Variants in LMNTD1 observed in about 807,000 individuals in gnomAD.
LMNTD1 encodes lamin tail domain-containing protein 1.
A neutral mutation model predicts 50.9 loss-of-function variants in LMNTD1; 35 were observed. The observed-to-expected ratio is 0.69, with a 90% confidence interval of 0.53 to 0.91. LMNTD1 has a LOEUF of 0.91. LMNTD1 is among the 40% of genes least tolerant of loss of function. LMNTD1 has a pLI of 0.00. For synonymous variants in LMNTD1, 153 were observed against 161.9 expected, an observed-to-expected ratio of 0.94 and a Z score of 0.42; for missense variants, 470 against 475.5, an observed-to-expected ratio of 0.99 and a Z score of 0.11.
At chr12:25,553,291 G>A, upstream of LMNTD1, 1 of 1,424,284 alleles carries the variant, frequency 7.0e-7, no homozygotes, top group Non-Finnish European at 9.2e-7. Context: ...TACAGTTGTT[G>A]CTTCTGGCCA....
chr12:25,580,336 C>T (rs1945230413), intron 1 of LMNTD1, among the ~76,000 whole-genome samples: 1 of 152,080 alleles, frequency 6.6e-6, no homozygotes, highest in Non-Finnish European at 1.5e-5. Flanking sequence ...CAATCATTTG[C>T]ACTGTGGCCA....
chr12:25,532,766 C>A (rs1565982447), intron 4 of LMNTD1, among the ~76,000 whole-genome samples: 1 of 152,064 alleles, frequency 6.6e-6, no homozygotes, highest in South Asian at 2.1e-4. Flanking sequence ...ATGGTTCTTA[C>A]CAAATTTTGG....
intron 8 of LMNTD1, among the ~76,000 whole-genome samples, chr12:25,517,831 G>A (rs11048088): frequency 0.74 from 111,919 of 151,130 alleles, 42,430 homozygotes; most frequent in East Asian, 0.88. Flanking sequence ...AAAAGGTACT[G>A]TTTTGGGGGT....
intron 1 of LMNTD1, among the ~76,000 whole-genome samples, chr12:25,630,289 C>T (rs1471308762): frequency 6.6e-6 from 1 of 152,098 alleles, no homozygotes; most frequent in South Asian, 2.1e-4. Flanking sequence ...TAAAATGTTC[C>T]ATTTTTGAGG....
chr12:25,643,711 A>C (rs1195805624), intron 1 of LMNTD1, among the ~76,000 whole-genome samples: 1 of 152,210 alleles, frequency 6.6e-6, no homozygotes, highest in African/African-American at 2.4e-5. Context: ...GAACTGCATA[A>C]AATCAAGGTT....
intron 1 of LMNTD1, among the ~76,000 whole-genome samples, chr12:25,620,724 C>T (rs560441070): frequency 6.6e-6 from 1 of 152,294 alleles, no homozygotes; most frequent in Non-Finnish European, 1.5e-5. Flanking sequence ...GGCACTGGGT[C>T]CCCGCTTCTC....
At chr12:25,596,914 A>C (rs1225313985) in intron 1 of LMNTD1, among the ~76,000 whole-genome samples, 1 of 91,078 alleles carries the variant, frequency 1.1e-5, no homozygotes, top group Non-Finnish European at 2.4e-5. Flanking sequence ...AATTGGGGAC[A>C]TAGTTAAGGC....
intron 1 of LMNTD1, among the ~76,000 whole-genome samples, chr12:25,570,945 T>G (rs111612220): frequency 1.9e-3 from 290 of 152,228 alleles, no homozygotes; most frequent in African/African-American, 6.7e-3. Flanking sequence ...TAGGATGGAG[T>G]AAATGCTGAG....
At chr12:25,559,643 C>T (rs2136295557) in intron 1 of LMNTD1, among the ~76,000 whole-genome samples, 1 of 152,334 alleles carries the variant, frequency 6.6e-6, no homozygotes, top group African/African-American at 2.4e-5. Context: ...AATGGTTGAA[C>T]TAGTTTACAG....
At chr12:25,625,930 G>A (rs994345136) in intron 1 of LMNTD1, among the ~76,000 whole-genome samples, 1 of 152,186 alleles carries the variant, frequency 6.6e-6, no homozygotes, top group African/African-American at 2.4e-5. Context: ...AATTTAAAAC[G>A]AATGATTCAG....
chr12:25,607,068 T>C (rs890838733), intron 1 of LMNTD1, among the ~76,000 whole-genome samples: 1 of 152,212 alleles, frequency 6.6e-6, no homozygotes, highest in African/African-American at 2.4e-5. Context: ...TGGGAGGGTG[T>C]ATGTTTCCAG....
chr12:25,604,663 A>G (rs1035726133), intron 1 of LMNTD1, among the ~76,000 whole-genome samples: 2 of 152,178 alleles, frequency 1.3e-5, no homozygotes, highest in Non-Finnish European at 2.9e-5. Flanking sequence ...CCATGTCCCC[A>G]TAAAGGACAT....
In LMNTD1 at chr12:25,520,119, T is replaced by C. The variant is rs540472405; in HGVS notation, c.799-44A>G. 24 of 918,712 alleles carry C rather than the reference T, an allele frequency of 2.6e-5. No individual in the cohort carries two copies. The East Asian group carries it at 6.2e-4, about 24-fold the overall frequency. 56.9% of individuals were successfully genotyped at this position (918,712 alleles called of 1,614,324 possible). A position where few individuals can be genotyped will look rare whatever the true frequency, so the allele number is the denominator to read the frequency against. ...TAATGTTGGCTATGTATATTTGAGG[T>C]TTACAACATGCTGTTATGAGATATA... is the stretch of plus-strand genomic sequence containing the variant. On this transcript the variant is annotated intron_variant, in intron 6 of 9. Transcript: ENST00000458174.
At chr12:25,492,821 T>C (rs1938930146) in intron 9 of LMNTD1, among the ~76,000 whole-genome samples, 1 of 152,200 alleles carries the variant, frequency 6.6e-6, no homozygotes, top group South Asian at 2.1e-4. Context: ...ACTCTTTCTC[T>C]TCTATAACTT....
chr12:25,596,191 T>C (rs554097151), intron 1 of LMNTD1, among the ~76,000 whole-genome samples: 25 of 152,070 alleles, frequency 1.6e-4, no homozygotes, highest in Middle Eastern at 3.4e-3. Context: ...TTCCAGAAGA[T>C]AGAAAAAGAG....
chr12:25,524,016 G>A (rs1462909307), intron 6 of LMNTD1, among the ~76,000 whole-genome samples: 1 of 152,152 alleles, frequency 6.6e-6, no homozygotes, highest in Non-Finnish European at 1.5e-5. Flanking sequence ...GCATGAAGAA[G>A]CATGGAGAGA....
chr12:25,627,263 G>A (rs1315921768), intron 1 of LMNTD1, among the ~76,000 whole-genome samples: 1 of 152,188 alleles, frequency 6.6e-6, no homozygotes. Context: ...CCTCTGAAAG[G>A]CATCCATGGA....
chr12:25,602,363 G>T (rs925238920), intron 1 of LMNTD1, among the ~76,000 whole-genome samples: 3 of 151,920 alleles, frequency 2.0e-5, no homozygotes, highest in African/African-American at 7.2e-5. Context: ...GACCCACATT[G>T]TATTGACTTT....
rs753785728 is a variant in LMNTD1, at chr12:25,549,357, T to TTTAGA, written c.278_279insTCTAA (p.Gly94LeufsTer28). The TTTAGA allele has an allele frequency of 1.9e-6, 3 of 1,610,518 alleles. No individual in the cohort carries two copies. The African/African-American group carries it at 4.0e-5, about 22-fold the overall frequency. ...TGTTTTCCACTCTGGAACAGCTACC[T>TTTAGA]ACAGTAGCTTTAGAAGTCAATTGTC... On this transcript the variant is annotated frameshift_variant, in exon 3 of 10. Transcript: ENST00000458174. LOFTEE classifies it high-confidence loss of function.
Sources: allele counts gnomAD v4.1 joint callset (sites outside exome capture counted in the v4.1 genomes callset), GRCh38; gene constraint gnomAD v4.1.1; transcripts MANE v1.5; gene names NCBI Gene and HGNC (gene_info 2026-07-23, HGNC 2026-07-21).